LURAP1L: variants seen among roughly 807,000 people sequenced by gnomAD.
LURAP1L encodes leucine rich adaptor protein 1 like.
Under a neutral mutation model 13.8 loss-of-function variants are expected in LURAP1L, and 12 were observed. The observed-to-expected ratio is 0.87, with a 90% CI of 0.56 to 1.41. The LOEUF (loss-of-function observed/expected upper bound fraction) is 1.41, where lower values mean the gene tolerates loss of function less well. Ranked by LOEUF, LURAP1L falls within the 40% of genes most tolerant of loss-of-function variation. The pLI, the probability that LURAP1L is intolerant of heterozygous loss-of-function variation, is 0.00. For missense variants in LURAP1L, 375 were observed against 292.9 expected (o/e 1.28, Z -2.04); for synonymous variants, 139 against 119.2 (o/e 1.17, Z -1.08).
At chr9:12,779,266 CTTTT>C (rs71329885) in intron 1 of LURAP1L, among the ~76,000 whole-genome samples, 3 of 90,258 alleles carry the variant, frequency 3.3e-5, no homozygotes, top group African/African-American at 1.2e-4. Flanking sequence ...ATCTTATAAT[CTTTT>C]TTTTTTTTTT....
chr9:12,776,048 G>T, intron 1 of LURAP1L, 21 bp downstream of exon 1: 1 of 1,610,932 alleles, frequency 6.2e-7, no homozygotes, highest in Non-Finnish European at 8.5e-7. Flanking sequence ...TGCGCCAGCC[G>T]CGGGGGCTGG....
At chr9:12,803,659 C>A (rs1819617655) in intron 1 of LURAP1L, among the ~76,000 whole-genome samples, 1 of 152,088 alleles carries the variant, frequency 6.6e-6, no homozygotes, top group Admixed American at 6.5e-5. Flanking sequence ...GAGTAAAATT[C>A]TAGGAGAATA....
At chr9:12,802,207 T>C (rs746306569) in intron 1 of LURAP1L, among the ~76,000 whole-genome samples, 10 of 152,224 alleles carry the variant, frequency 6.6e-5, no homozygotes, top group South Asian at 2.1e-4. Flanking sequence ...GAGATGCTAA[T>C]AAAGCCTCTA....
intron 1 of LURAP1L, among the ~76,000 whole-genome samples, chr9:12,804,168 T>C (rs753320614): frequency 2.0e-5 from 3 of 152,122 alleles, no homozygotes; most frequent in Non-Finnish European, 2.9e-5. Flanking sequence ...GGATAAATAA[T>C]GACTAAAAAG....
At chr9:12,800,685 T>C (rs1350363538) in intron 1 of LURAP1L, among the ~76,000 whole-genome samples, 2 of 152,218 alleles carry the variant, frequency 1.3e-5, no homozygotes, top group African/African-American at 4.8e-5. Flanking sequence ...GTCTGTATGA[T>C]AGTATCTCTT....
At chr9:12,782,375 C>G (rs550550042) in intron 1 of LURAP1L, among the ~76,000 whole-genome samples, 4 of 151,992 alleles carry the variant, frequency 2.6e-5, no homozygotes, top group Non-Finnish European at 5.9e-5. Flanking sequence ...TCTTTTGGTA[C>G]TTTTATGTTT....
chr9:12,807,102 T>TATATATTTTATTATATATATATA lies in LURAP1L; in HGVS notation c.313-14278_313-14277insTTTATTATATATATATAATATAT, dbSNP rs1554658957. Among the ~76,000 whole-genome samples the TATATATTTTATTATATATATATA allele has an allele frequency of 1.9e-3, 251 of 131,712 alleles. 4 individuals carry two copies. The highest frequency in any genetic ancestry group is 6.7e-3 in the African/African-American group (234 of 35,134). The allele number at this position is 131,712 out of a possible 152,430, so 86.4% of individuals were successfully genotyped here. On this transcript the variant is annotated intron_variant, in intron 1 of 1. Coordinates refer to ENST00000319264, the MANE Select transcript of LURAP1L (RefSeq NM_203403.2). ...AGCCCTGTCTCTACTAAAATATATA[T>TATATATTTTATTATATATATATA]ATATATATATATATATTAGCCGGGC...
At position 12,795,294 on chromosome 9, in the gene LURAP1L, G is replaced by C. The variant is rs1040077210; in HGVS notation, c.312+19267G>C. Among the ~76,000 whole-genome samples the C allele has an allele frequency of 2.0e-5, 3 of 152,062 alleles. No individual in the cohort carries two copies. In the East Asian group the frequency reaches 5.8e-4, roughly 29 times the overall value. On this transcript the variant is annotated intron_variant, in intron 1 of 1. Coordinates refer to ENST00000319264, the MANE Select transcript of LURAP1L (RefSeq NM_203403.2). Reference sequence around the variant, plus strand: ...ACTGATTATTGTATATATCTTAGTAGACTATCAGTTCTTTCGTGGCTAGAA... The same window carrying C: ...ACTGATTATTGTATATATCTTAGTACACTATCAGTTCTTTCGTGGCTAGAA...
At chr9:12,782,195 C>G (rs1052941484) in intron 1 of LURAP1L, among the ~76,000 whole-genome samples, 1 of 152,196 alleles carries the variant, frequency 6.6e-6, no homozygotes. Flanking sequence ...TATTTTCTCC[C>G]ATTTCATGGG....
intron 1 of LURAP1L, among the ~76,000 whole-genome samples, chr9:12,791,691 T>TAC (rs111521632): frequency 0.082 from 12,177 of 147,662 alleles, 1,085 homozygotes; most frequent in African/African-American, 0.22. Flanking sequence ...CCCTTCTTTT[T>TAC]ACACACACAC....
chr9:12,795,243 T>C (rs1447477518), intron 1 of LURAP1L, among the ~76,000 whole-genome samples: 1 of 152,040 alleles, frequency 6.6e-6, no homozygotes, highest in Non-Finnish European at 1.5e-5. Context: ...TAGTTAACTC[T>C]AACTTGTTAT....
At chr9:12,803,154 T>A (rs1488280671) in intron 1 of LURAP1L, among the ~76,000 whole-genome samples, 1 of 152,232 alleles carries the variant, frequency 6.6e-6, no homozygotes, top group Admixed American at 6.5e-5. Context: ...ACCACTGCAC[T>A]GGAAGTGTTC....
chr9:12,816,670 A>T (rs1819808328), intron 1 of LURAP1L, among the ~76,000 whole-genome samples: 2 of 152,194 alleles, frequency 1.3e-5, no homozygotes, highest in African/African-American at 2.4e-5. Flanking sequence ...CCTCATTTCA[A>T]GTTCTACCAT....
At chr9:12,779,196 A>G (rs186769018) in intron 1 of LURAP1L, among the ~76,000 whole-genome samples, 1 of 151,478 alleles carries the variant, frequency 6.6e-6, no homozygotes, top group African/African-American at 2.4e-5. Context: ...CTTTGGTGAG[A>G]CTTTACTATG....
In LURAP1L at chr9:12,802,681, G is replaced by C. The variant is rs367783304; in HGVS notation, c.313-18705G>C. Among the ~76,000 whole-genome samples, 9 of 152,242 alleles carry C rather than the reference G, an allele frequency of 5.9e-5. No individual in the cohort carries two copies. The East Asian group carries it at 1.7e-3, about 29-fold the overall frequency. On this transcript the variant is annotated intron_variant, in intron 1 of 1. Transcript: ENST00000319264. ...GCACTCAGTAACCTGCAGCACAGAAGTGGGTTAAAACTCCTGTCAAGTGCC... is the reference window on the plus strand; with the variant it reads ...GCACTCAGTAACCTGCAGCACAGAACTGGGTTAAAACTCCTGTCAAGTGCC...
chr9:12,785,974 T>C (rs1819344807), intron 1 of LURAP1L, among the ~76,000 whole-genome samples: 1 of 152,212 alleles, frequency 6.6e-6, no homozygotes, highest in Admixed American at 6.5e-5. Context: ...TTTTCATGTC[T>C]TTGCCTGCAT....
At chr9:12,776,157 T>C (rs1819179292) in intron 1 of LURAP1L, 130 bp downstream of exon 1, 2 of 945,364 alleles carry the variant, frequency 2.1e-6, no homozygotes, top group Non-Finnish European at 3.2e-6. Context: ...TGGGAAATGC[T>C]GGGTGGAGGA....
intron 1 of LURAP1L, among the ~76,000 whole-genome samples, chr9:12,790,103 A>G (rs1408922975): frequency 6.6e-6 from 1 of 152,192 alleles, no homozygotes; most frequent in Admixed American, 6.6e-5. Context: ...CAGTTAAGTC[A>G]TGTTATTTTA....
In LURAP1L at chr9:12,821,374, C is replaced by T; in HGVS notation, c.313-12C>T. 1 of 1,601,792 alleles carries T rather than the reference C, an allele frequency of 6.2e-7. No individual in the cohort carries two copies. The highest frequency in any genetic ancestry group is 8.5e-7 in the Non-Finnish European group (1 of 1,171,114). ...AATGGCTGGAATATCTTTCTTCTCT[C>T]TTTGTCCATAGGTTAACCTCAGAGC... On this transcript the variant is annotated splice_polypyrimidine_tract_variant and intron_variant, in intron 1 of 1. Transcript: ENST00000319264.
Sources: allele counts gnomAD v4.1 joint callset (sites outside exome capture counted in the v4.1 genomes callset), GRCh38; gene constraint gnomAD v4.1.1; transcripts MANE v1.5; gene names NCBI Gene and HGNC (gene_info 2026-07-23, HGNC 2026-07-21).